LAMA4: variants seen among roughly 807,000 people sequenced by gnomAD.
LAMA4 encodes the protein laminin subunit alpha-4.
Under a neutral mutation model 207.1 loss-of-function variants are expected in LAMA4, and 127 were observed. That is an observed-to-expected ratio of 0.61 (90% CI 0.53 to 0.71). The LOEUF (loss-of-function observed/expected upper bound fraction) is 0.71, where lower values mean the gene tolerates loss of function less well. Among genes scored for constraint, LAMA4 ranks in the 30% least tolerant of loss-of-function variants. The pLI is 0.00. For synonymous variants in LAMA4, 761 were observed against 816.0 expected (o/e 0.93, Z 1.15); for missense variants, 2,093 against 2,246.5 (o/e 0.93, Z 1.38).
At chr6:112,201,014 C>A (rs772862781) in intron 5 of LAMA4, among the ~76,000 whole-genome samples, 7 of 149,494 alleles carry the variant, frequency 4.7e-5, no homozygotes, top group Non-Finnish European at 1.0e-4. Flanking sequence ...ACATGTATCC[C>A]AGAACTTAAA....
chr6:112,230,593 C>A (rs1785503713), intron 2 of LAMA4, among the ~76,000 whole-genome samples: 1 of 152,176 alleles, frequency 6.6e-6, no homozygotes, highest in South Asian at 2.1e-4. Context: ...TTCTTCTCTT[C>A]TTTTTGGACT....
chr6:112,193,037 G>T (rs1326816470), intron 5 of LAMA4, among the ~76,000 whole-genome samples: 2 of 152,224 alleles, frequency 1.3e-5, no homozygotes, highest in African/African-American at 4.8e-5. Flanking sequence ...GGCTGATTGT[G>T]CACTCTCTTT....
Position 112,254,012 on chromosome 6 carries a change from G to C in LAMA4, c.139C>G (p.Pro47Ala), listed in dbSNP as rs1428406063. The C allele has an allele frequency of 3.1e-6, 5 of 1,588,838 alleles. No homozygotes were observed. Among genetic ancestry groups the C allele is most frequent in the Admixed American group, 1.8e-5 (1 of 55,358 alleles). ...ACGCGGGGTTCGCTCGTCTCAGGCG[G>C]GTCTTGCCTGCCAACCGCTGAGCTC... ...EGSSAVGRQD[P>A]PETSEPRVAL... The change falls in exon 2 of 39, where the codon CCG (proline) becomes GCG (alanine). Residue 47 changes from proline to alanine, a missense_variant. Pro to Ala is a conservative substitution (Grantham distance 27). This residue lies in a region of LAMA4 where 1,704 missense variants were observed against 1,788.4 expected (regional missense o/e 0.95). Coordinates refer to ENST00000230538, the MANE Select transcript of LAMA4 (RefSeq NM_001105206.3).
chr6:112,227,008 T>C (rs1436412753), intron 2 of LAMA4, among the ~76,000 whole-genome samples: 3 of 151,972 alleles, frequency 2.0e-5, no homozygotes, highest in African/African-American at 7.2e-5. Context: ...GGAGTGGGGA[T>C]GAGACTGAGA....
chr6:112,117,810 A>C lies in LAMA4; in HGVS notation c.4910T>G (p.Val1637Gly). Residue 1637 changes from valine to glycine, a missense_variant, in exon 35 of 39, where the codon GTG (valine) becomes GGG (glycine). Val to Gly is a moderately radical substitution (Grantham distance 109). Around this residue, in one of 3 missense-constraint regions of LAMA4, gnomAD observed 383 missense variants for 437.8 expected, o/e 0.87. Transcript: ENST00000230538. This position sits in a 1 kb window ranked among gnomAD's most constrained non-coding sequence, Gnocchi z 4.5. ...CATGGGGCCTTCAAAGCAAGGGGTC[A>C]CACTGAATGTCTGAGAAGCAGAGGT... ...SITSASQTFSVTPCFEGPMET... is the reference protein window; with the variant it reads ...SITSASQTFSGTPCFEGPMET... 1 of 1,613,838 alleles carries C rather than the reference A, an allele frequency of 6.2e-7. No individual in the cohort carries two copies. Among genetic ancestry groups the C allele is most frequent in the East Asian group, 2.2e-5 (1 of 44,884 alleles).
Position 112,117,970 on chromosome 6 carries a change from G to A in LAMA4, c.4822-72C>T. 1 of 1,339,856 alleles carries A rather than the reference G, an allele frequency of 7.5e-7. No individual in the cohort carries two copies. Among genetic ancestry groups the A allele is most frequent in the Non-Finnish European group, 1.1e-6 (1 of 935,458 alleles). The allele number at this position is 1,339,856 out of a possible 1,614,324, so 83.0% of individuals were successfully genotyped here. ...GCACCAAGGGGAAGCAAAATGAGGG[G>A]GTTTGAGTCCTGAAGGAACCCACGT... is the stretch of plus-strand genomic sequence containing the variant. On this transcript the variant is annotated intron_variant, in intron 34 of 38. Coordinates refer to ENST00000230538, the MANE Select transcript of LAMA4 (RefSeq NM_001105206.3). The surrounding 1 kb of genome is among the most constrained non-coding windows in gnomAD (Gnocchi z 4.5).
At chr6:112,160,441 A>G (rs1294495550) in intron 13 of LAMA4, among the ~76,000 whole-genome samples, 3 of 140,188 alleles carry the variant, frequency 2.1e-5, no homozygotes, top group African/African-American at 8.1e-5. Context: ...CCGTCAAAAA[A>G]CAAAACAAAC....
At chr6:112,222,026 A>G (rs1264181212) in intron 2 of LAMA4, among the ~76,000 whole-genome samples, 1 of 152,170 alleles carries the variant, frequency 6.6e-6, no homozygotes, top group Non-Finnish European at 1.5e-5. Flanking sequence ...TTTTGGCTCC[A>G]TATGTTTTTC....
At chr6:112,224,741 G>A (rs905423061) in intron 2 of LAMA4, among the ~76,000 whole-genome samples, 2 of 151,328 alleles carry the variant, frequency 1.3e-5, no homozygotes, top group East Asian at 1.9e-4. Context: ...ACTTGAATCC[G>A]GGAGGCGGAG....
chr6:112,220,473 T>A (rs782089707), intron 2 of LAMA4, among the ~76,000 whole-genome samples: 9 of 152,200 alleles, frequency 5.9e-5, no homozygotes, highest in Non-Finnish European at 1.2e-4. Flanking sequence ...GAAATGAGTG[T>A]GGTGTATCTA....
At chr6:112,181,052 T>C (rs1478500852) in intron 9 of LAMA4, among the ~76,000 whole-genome samples, 2 of 152,348 alleles carry the variant, frequency 1.3e-5, no homozygotes, top group South Asian at 4.1e-4. Flanking sequence ...CTTCTCTCTT[T>C]GCCATTTCTC....
intron 5 of LAMA4, among the ~76,000 whole-genome samples, chr6:112,196,926 C>T (rs538316514): frequency 1.3e-5 from 2 of 152,134 alleles, no homozygotes; most frequent in Non-Finnish European, 2.9e-5. Context: ...GGATATGATG[C>T]TGTGTCTGTC....
chr6:112,120,192 A>T (rs1778265544), intron 33 of LAMA4, 91 bp downstream of exon 33: 1 of 1,037,386 alleles, frequency 9.6e-7, no homozygotes, highest in Non-Finnish European at 1.4e-6. Context: ...TTTAAAATGG[A>T]TATTTCTAGA....
intron 16 of LAMA4, 88 bp downstream of exon 16, chr6:112,154,763 T>C: frequency 1.2e-6 from 1 of 852,692 alleles, no homozygotes; most frequent in Non-Finnish European, 2.1e-6. Flanking sequence ...TATTCTTTAA[T>C]CCTAGATTTG....
At chr6:112,249,703 TG>T (rs1182306158) in intron 2 of LAMA4, among the ~76,000 whole-genome samples, 1 of 152,152 alleles carries the variant, frequency 6.6e-6, no homozygotes, top group Non-Finnish European at 1.5e-5. Context: ...AAATTACTCA[TG>T]GGAAGTGTTT....
intron 9 of LAMA4, among the ~76,000 whole-genome samples, chr6:112,180,400 G>A (rs1321488031): frequency 6.6e-6 from 1 of 152,204 alleles, no homozygotes; most frequent in African/African-American, 2.4e-5. Context: ...TAAGATGACT[G>A]AATTGAACCT....
intron 4 of LAMA4, among the ~76,000 whole-genome samples, chr6:112,203,799 G>A (rs920852392): frequency 6.6e-5 from 10 of 152,074 alleles, no homozygotes; most frequent in South Asian, 2.1e-4. Flanking sequence ...CTTCATTTTC[G>A]TTTTCAGTAG....
intron 17 of LAMA4, among the ~76,000 whole-genome samples, chr6:112,149,668 T>C (rs1780257503): frequency 6.6e-6 from 1 of 152,214 alleles, no homozygotes; most frequent in Non-Finnish European, 1.5e-5. Flanking sequence ...TACCCAGTGT[T>C]GGCTATTTCT....
At position 112,154,871 on chromosome 6, in the gene LAMA4, A is replaced by C. The variant is rs782455082; in HGVS notation, c.2036T>G (p.Leu679Arg). 3 of 1,610,830 alleles carry C rather than the reference A, an allele frequency of 1.9e-6. No homozygotes were observed. Among genetic ancestry groups the C allele is most frequent in the Non-Finnish European group, 2.5e-6 (3 of 1,177,014 alleles). ...TTTACTAGACTCTGCCTTTGCTTGCAGTTCTCTGGCTTGATTGAGGAGGTT... is the reference window on the plus strand; with the variant it reads ...TTTACTAGACTCTGCCTTTGCTTGCCGTTCTCTGGCTTGATTGAGGAGGTT... ...SENLLNQARE[L>R]QAKAESSSDE... Residue 679 changes from leucine to arginine, a missense_variant, in exon 16 of 39, where the codon CTG (leucine) becomes CGG (arginine). Transcript: ENST00000230538.
Sources: allele counts gnomAD v4.1 joint callset (sites outside exome capture counted in the v4.1 genomes callset), GRCh38; gene constraint gnomAD v4.1.1; regional missense constraint gnomAD v4.1.1; non-coding constraint Gnocchi (gnomAD v3.1); transcripts MANE v1.5; gene names NCBI Gene and HGNC (gene_info 2026-07-23, HGNC 2026-07-21).